Variants in AARS2 observed in about 807,000 individuals in gnomAD.
AARS2 encodes the protein alanine--tRNA ligase, mitochondrial.
In AARS2, 78 loss-of-function variants were observed where a neutral mutation model predicts 119.7. The ratio of observed to expected loss-of-function variants is 0.65; its 90% CI spans 0.54 to 0.79. The LOEUF (loss-of-function observed/expected upper bound fraction) is 0.79, where lower values mean the gene tolerates loss of function less well. AARS2 is among the 30% of genes least tolerant of loss of function. AARS2 has a pLI of 0.00. For missense variants in AARS2, 1,157 were observed against 1,291.3 expected (o/e 0.90, Z 1.59); for synonymous variants, 502 against 526.3 (o/e 0.95, Z 0.63).
rs767796061 is a variant in AARS2, at chr6:44,307,215, GC to G, written c.1040+33del. The G allele has an allele frequency of 1.4e-5, 22 of 1,613,610 alleles. No individual in the cohort carries two copies. In the South Asian group the frequency reaches 2.3e-4, roughly 17 times the overall value. ...CCTCCTCCACCTGAGACCCCCAGCA[GC>G]CCCTGTCCTCTCTGTAGCCCTTCCA... On this transcript the variant is annotated intron_variant, in intron 6 of 21. Coordinates refer to ENST00000244571, the MANE Select transcript of AARS2 (RefSeq NM_020745.4). This position sits in a 1 kb window ranked among gnomAD's most constrained non-coding sequence, Gnocchi z 4.4.
Position 44,300,662 on chromosome 6 carries a change from C to A in AARS2, c.2843G>T (p.Ser948Ile), listed in dbSNP as rs369880654. ...GCCCCACGCCTTGCCCCCCATGTGG[C>A]TGCACACTGCCAGTGCCCAGGCCTC... ...TAEAWALAVCSHMGGKAWGSR... is the reference protein window; with the variant it reads ...TAEAWALAVCIHMGGKAWGSR... The change falls in exon 22 of 22, where the codon AGC (serine) becomes ATC (isoleucine). Residue 948 changes from serine to isoleucine, a missense_variant. Transcript: ENST00000244571. The A allele has an allele frequency of 6.2e-7, 1 of 1,613,646 alleles. No homozygotes were observed. The highest frequency in any genetic ancestry group is 1.3e-5 in the African/African-American group (1 of 74,942).
intron 1 of AARS2, 71 bp downstream of exon 1, chr6:44,313,010 C>G: frequency 6.3e-7 from 1 of 1,599,254 alleles, no homozygotes. Flanking sequence ...TTCTTTTGCC[C>G]AATCCTGCAG....
rs2153354756 is a variant in AARS2, at chr6:44,305,270, A to G, written c.1435-72T>C. On this transcript the variant is annotated intron_variant, in intron 10 of 21. Coordinates refer to ENST00000244571, the MANE Select transcript of AARS2 (RefSeq NM_020745.4). The surrounding 1 kb of genome is among the most constrained non-coding windows in gnomAD (Gnocchi z 4.6). Reference sequence around the variant, plus strand: ...AATGAAAGTGGGACTTCAGCCTCGCAGGGCCCTGTCCCTGCCACACAGCTG... The same window carrying G: ...AATGAAAGTGGGACTTCAGCCTCGCGGGGCCCTGTCCCTGCCACACAGCTG... 6.3e-7 allele frequency: 1 copy of G among 1,591,752 alleles called. No homozygotes were observed.
At chr6:44,300,956 A>T (rs1415645246) in intron 21 of AARS2, 200 bp downstream of exon 21, 1 of 715,716 alleles carries the variant, frequency 1.4e-6, no homozygotes, top group Non-Finnish European at 2.3e-6. Flanking sequence ...TTAGGAATTA[A>T]GGAATCTCTT....
In AARS2 at chr6:44,303,355, CTCAT is replaced by C; in HGVS notation, c.2072_2075del (p.Asp691GlyfsTer69). On this transcript the variant is annotated frameshift_variant, in exon 15 of 22. Transcript: ENST00000244571. LOFTEE classifies it high-confidence loss of function. Reference sequence around the variant, plus strand: ...GGGGCACCTCCTCCATGTACACAGCCTCATCCTGCCCCACGGCCTCCTGCACAGT... The same window carrying C: ...GGGGCACCTCCTCCATGTACACAGCCCCTGCCCCACGGCCTCCTGCACAGT... 2 of 1,614,070 alleles carry C rather than the reference CTCAT, an allele frequency of 1.2e-6. No individual in the cohort carries two copies. The highest frequency in any genetic ancestry group is 2.7e-5 in the African/African-American group (2 of 75,062).
Position 44,305,224 on chromosome 6 carries a change from G to T in AARS2, c.1435-26C>A. 3 of 1,607,794 alleles carry T rather than the reference G, an allele frequency of 1.9e-6. No homozygotes were observed. The highest frequency in any genetic ancestry group is 2.5e-6 in the Non-Finnish European group (3 of 1,179,978). ...CTGCAGGGTGGGCATGGGCATGGAAGAAGTGCATGGAGAATGAAAGAATGA... is the reference window on the plus strand; with the variant it reads ...CTGCAGGGTGGGCATGGGCATGGAATAAGTGCATGGAGAATGAAAGAATGA... On this transcript the variant is annotated intron_variant, in intron 10 of 21. Transcript: ENST00000244571. This position sits in a 1 kb window ranked among gnomAD's most constrained non-coding sequence, Gnocchi z 4.6.
At position 44,305,702 on chromosome 6, in the gene AARS2, A is replaced by G. The variant is rs752239064; in HGVS notation, c.1385T>C (p.Val462Ala). The G allele has an allele frequency of 6.2e-7, 1 of 1,613,754 alleles. No individual in the cohort carries two copies. Among genetic ancestry groups the G allele is most frequent in the Non-Finnish European group, 8.5e-7 (1 of 1,179,944 alleles). Residue 462 changes from valine (V) to alanine (A), a missense_variant, in exon 10 of 22, where the codon GTC (valine) becomes GCC (alanine). By Grantham distance (64) the Val-to-Ala change is moderately conservative (BLOSUM62 0). Coordinates refer to ENST00000244571, the MANE Select transcript of AARS2 (RefSeq NM_020745.4). The surrounding 1 kb of genome is among the most constrained non-coding windows in gnomAD (Gnocchi z 4.6). Reference protein sequence around the residue: ...MVELMLEEKGVQLDSAGLERL... With the variant: ...MVELMLEEKGAQLDSAGLERL... ...CTCCAGTCCAGCGGAGTCTAGCTGG[A>G]CCCCTTTCTCCTCCAGCATCAGCTC...
Position 44,306,910 on chromosome 6 carries a change from GCT to G in AARS2, c.1149+11_1149+12del, listed in dbSNP as rs762084270. Reference sequence around the variant, plus strand: ...CAGGGAGGCCCAGAGTGAAAAAGAAGCTCTGTCCTTACCAGTGTCTCCACCAC... The same window carrying G: ...CAGGGAGGCCCAGAGTGAAAAAGAAGCTGTCCTTACCAGTGTCTCCACCAC... On this transcript the variant is annotated intron_variant, in intron 7 of 21. Transcript: ENST00000244571. The G allele has an allele frequency of 6.2e-7, 1 of 1,611,804 alleles. No individual in the cohort carries two copies. Among genetic ancestry groups the G allele is most frequent in the Admixed American group, 1.7e-5 (1 of 60,004 alleles).
Position 44,313,102 on chromosome 6 carries a change from A to G in AARS2, c.222T>C (p.Phe74=), listed in dbSNP as rs1583062512. The change falls in exon 1 of 22, where the codon TTT becomes TTC. Residue 74 remains phenylalanine, a synonymous_variant. Coordinates refer to ENST00000244571, the MANE Select transcript of AARS2 (RefSeq NM_020745.4). ...TCACCTGGTTCATGCCCGCATTGAC[A>G]AAAAGCAAACTGGGGTCGCCGCGGG... ...VRPRGDPSLL[F]VNAGMNQFKP... 6.2e-7 allele frequency: 1 copy of G among 1,613,596 alleles called. No homozygotes were observed. The highest frequency in any genetic ancestry group is 1.1e-5 in the South Asian group (1 of 91,046).
intron 20 of AARS2, 54 bp from the exon 21 acceptor site, chr6:44,301,320 C>T: frequency 6.2e-7 from 1 of 1,613,476 alleles, no homozygotes. Context: ...CCCTAGCTGT[C>T]TCCTGGTCAG....
Position 44,312,265 on chromosome 6 carries a change from T to C in AARS2, c.244-2A>G. ...GGTGCCCAGAAAGATTGGCTTGAAC[T>C]GGAAGCACATAGAGTGGGGAGGGGG... On this transcript the variant is annotated splice_acceptor_variant, in intron 1 of 21. Coordinates refer to ENST00000244571, the MANE Select transcript of AARS2 (RefSeq NM_020745.4). LOFTEE classifies it high-confidence loss of function. 1 of 1,613,552 alleles carries C rather than the reference T, an allele frequency of 6.2e-7. No homozygotes were observed. Among genetic ancestry groups the C allele is most frequent in the Non-Finnish European group, 8.5e-7 (1 of 1,179,532 alleles).
Position 44,304,254 on chromosome 6 carries a change from G to T in AARS2, c.1934C>A (p.Thr645Asn). ...THLLNWALRQ[T>N]LGPGTEQQGS... is the part of the protein sequence containing the mutation. ...CTGCTGCTCTGTGCCAGGGCCCAGG[G>T]TCTGCCTCAGTGCCCAGTTCAGCAG... Residue 645 changes from threonine to asparagine, a missense_variant, in exon 14 of 22, where the codon ACC becomes AAC. Coordinates refer to ENST00000244571, the MANE Select transcript of AARS2 (RefSeq NM_020745.4). 2.5e-6 allele frequency: 4 copies of T among 1,614,208 alleles called. No individual in the cohort carries two copies. The East Asian group carries it at 6.7e-5, about 27-fold the overall frequency.
intron 14 of AARS2, 103 bp downstream of exon 14, chr6:44,304,078 G>A (rs1440358830): frequency 2.6e-6 from 4 of 1,553,584 alleles, no homozygotes; most frequent in Admixed American, 3.4e-5. Flanking sequence ...TGGCCGTGCT[G>A]GGCCTAGAGC....
At chr6:44,304,368 G>A in intron 13 of AARS2, 47 bp from the exon 14 acceptor site, 3 of 1,614,194 alleles carry the variant, frequency 1.9e-6, no homozygotes, top group Non-Finnish European at 1.7e-6. Context: ...GCAGGGGGTT[G>A]GGAGAGTGAA....
Position 44,303,346 on chromosome 6 carries a change from G to T in AARS2, c.2085C>A (p.Tyr695Ter), listed in dbSNP as rs1785527118. 20 of 1,614,022 alleles carry T rather than the reference G, an allele frequency of 1.2e-5. No individual in the cohort carries two copies. Among genetic ancestry groups the T allele is most frequent in the Non-Finnish European group, 1.4e-5 (16 of 1,180,030 alleles). ...TGAGCGCCAGGGGCACCTCCTCCAT[G>T]TACACAGCCTCATCCTGCCCCACGG... ...QEAVGQDEAV[Y>*]MEEVPLALTA... Residue 695 changes from tyrosine (Y) to a stop codon, truncating the protein, a stop_gained, in exon 15 of 22, where the codon TAC (tyrosine) becomes TAA (stop). Transcript: ENST00000244571. LOFTEE classifies it high-confidence loss of function.
In AARS2 at chr6:44,312,258, C is replaced by T. The variant is rs762323981; in HGVS notation, c.249G>A (p.Lys83=). The stretch of plus-strand genomic sequence containing the variant: ...GATCCACGGTGCCCAGAAAGATTGG[C>T]TTGAACTGGAAGCACATAGAGTGGG... ...LFVNAGMNQF[K]PIFLGTVDPR... Residue 83 remains lysine, a synonymous_variant, in exon 2 of 22, where the codon AAG becomes AAA. Coordinates refer to ENST00000244571, the MANE Select transcript of AARS2 (RefSeq NM_020745.4). The T allele has an allele frequency of 6.2e-7, 1 of 1,613,762 alleles. No homozygotes were observed. The highest frequency in any genetic ancestry group is 8.5e-7 in the Non-Finnish European group (1 of 1,179,678).
Position 44,302,122 on chromosome 6 carries a change from C to T in AARS2, c.2536G>A (p.Ala846Thr). The T allele has an allele frequency of 6.2e-7, 1 of 1,613,288 alleles. No individual in the cohort carries two copies. Among genetic ancestry groups the T allele is most frequent in the Non-Finnish European group, 8.5e-7 (1 of 1,179,986 alleles). ...MPQWQRRELL[A>T]TVKMLQRRAN... ...CGCCGCTGCAGCATCTTCACTGTGGCCAGCAGCTCCCGCCGCTGCCACTGG... is the reference window on the plus strand; with the variant it reads ...CGCCGCTGCAGCATCTTCACTGTGGTCAGCAGCTCCCGCCGCTGCCACTGG... The change falls in exon 19 of 22, where the codon GCC becomes ACC. Residue 846 changes from alanine to threonine, a missense_variant. Physicochemically the swap from Ala to Thr is moderately conservative, Grantham distance 58. Coordinates refer to ENST00000244571, the MANE Select transcript of AARS2 (RefSeq NM_020745.4).
chr6:44,304,958 G>A (rs1035879228), intron 11 of AARS2, 96 bp downstream of exon 11: 1 of 1,609,722 alleles, frequency 6.2e-7, no homozygotes, highest in Non-Finnish European at 8.5e-7. Context: ...TGGCCATCCT[G>A]GGGAATACAT....
Position 44,301,350 on chromosome 6 carries a change from C to G in AARS2, c.2682+31G>C, listed in dbSNP as rs77920790. The G allele has an allele frequency of 1.3e-3, 2,138 of 1,613,312 alleles. 25 individuals carry two copies. The African/African-American group carries it at 0.024, about 18-fold the overall frequency. ...GGTCAGGACTTTGCCCTCCCCAGAC[C>G]CTGGGGCAGCCCGGCTTGGCTAGCA... On this transcript the variant is annotated intron_variant, in intron 20 of 21. Coordinates refer to ENST00000244571, the MANE Select transcript of AARS2 (RefSeq NM_020745.4).
Sources: allele counts gnomAD v4.1 joint callset, GRCh38; gene constraint gnomAD v4.1.1; non-coding constraint Gnocchi (gnomAD v3.1); transcripts MANE v1.5; gene names NCBI Gene and HGNC (gene_info 2026-07-23, HGNC 2026-07-21).